Variants in GALNT13 observed in about 807,000 individuals in gnomAD.
GALNT13 encodes UDP-GalNAc:polypeptide N-acetylgalactosaminyltransferase 13.
Under a neutral mutation model 64.2 loss-of-function variants are expected in GALNT13, and 28 were observed. The ratio of observed to expected loss-of-function variants is 0.44; its 90% CI spans 0.32 to 0.60. GALNT13 has a LOEUF of 0.60. Ranked by LOEUF, GALNT13 falls within the 20% of genes least tolerant of loss-of-function variation. The pLI, the probability that GALNT13 is intolerant of heterozygous loss-of-function variation, is 0.05. For missense variants in GALNT13, 577 were observed against 669.8 expected (o/e 0.86, Z 1.53); for synonymous variants, 214 against 224.6 (o/e 0.95, Z 0.42).
intron 8 of GALNT13, among the ~76,000 whole-genome samples, chr2:154,261,513 A>G (rs1690695154): frequency 6.6e-6 from 1 of 152,078 alleles, no homozygotes; most frequent in South Asian, 2.1e-4. Context: ...GATTGAGACC[A>G]CTCATCTCTC....
chr2:153,923,256 T>G (rs985719892), intron 2 of GALNT13, among the ~76,000 whole-genome samples: 1 of 152,218 alleles, frequency 6.6e-6, no homozygotes, highest in African/African-American at 2.4e-5. Context: ...ATGTATTAGT[T>G]AATAGCTTTA....
At chr2:154,156,348 C>T (rs1463009324) in intron 4 of GALNT13, among the ~76,000 whole-genome samples, 1 of 152,074 alleles carries the variant, frequency 6.6e-6, no homozygotes, top group Non-Finnish European at 1.5e-5. Flanking sequence ...AAGTGTAGCA[C>T]ATAGTTCCTA....
chr2:154,173,576 G>T (rs1257536804), intron 4 of GALNT13, among the ~76,000 whole-genome samples: 1 of 151,884 alleles, frequency 6.6e-6, no homozygotes, highest in African/African-American at 2.4e-5. Flanking sequence ...AAAAGCTTCT[G>T]CACAGCAAAT....
the GALNT13 span, among the ~76,000 whole-genome samples, chr2:153,270,248 C>T: frequency 6.6e-6 from 1 of 152,124 alleles, no homozygotes; most frequent in Non-Finnish European, 1.5e-5. Context: ...TACTCTGTGT[C>T]AGACATTTTA....
At chr2:153,512,789 T>G in the GALNT13 span, among the ~76,000 whole-genome samples, 209 of 152,330 alleles carry the variant, frequency 1.4e-3, no homozygotes, top group African/African-American at 4.7e-3. Flanking sequence ...GTTATTATTA[T>G]TACTCATTTT....
chr2:154,153,789 G>T (rs952151126), intron 4 of GALNT13, among the ~76,000 whole-genome samples: 65 of 152,184 alleles, frequency 4.3e-4, no homozygotes, highest in Admixed American at 2.9e-3. Flanking sequence ...TTGGAAAAGC[G>T]CAGTATTAGG....
At chr2:153,278,134 C>T in the GALNT13 span, among the ~76,000 whole-genome samples, 3 of 151,566 alleles carry the variant, frequency 2.0e-5, no homozygotes, top group African/African-American at 7.3e-5. Context: ...TAGAGACCAC[C>T]GTGTTAGCCA....
chr2:153,304,057 G>A, the GALNT13 span, among the ~76,000 whole-genome samples: 1 of 151,658 alleles, frequency 6.6e-6, no homozygotes, highest in Admixed American at 6.6e-5. Flanking sequence ...ATGCACTGGG[G>A]TGGTGGGGGA....
the GALNT13 span, among the ~76,000 whole-genome samples, chr2:153,099,146 CAT>C: frequency 6.6e-6 from 1 of 152,022 alleles, no homozygotes; most frequent in Non-Finnish European, 1.5e-5. Flanking sequence ...AAAATAATAA[CAT>C]AGTTTTCCTT....
intron 9 of GALNT13, among the ~76,000 whole-genome samples, chr2:154,352,675 T>TA (rs1436091467): frequency 6.6e-6 from 1 of 152,200 alleles, no homozygotes; most frequent in Admixed American, 6.5e-5. Flanking sequence ...ACATTCTTCT[T>TA]ATACTGTGGT....
At chr2:153,180,296 G>T in the GALNT13 span, among the ~76,000 whole-genome samples, 2 of 151,952 alleles carry the variant, frequency 1.3e-5, no homozygotes, top group Non-Finnish European at 2.9e-5. Context: ...TATAGTTTTT[G>T]TTTTTCATTC....
chr2:153,098,321 T>C, the GALNT13 span, among the ~76,000 whole-genome samples: 2 of 152,218 alleles, frequency 1.3e-5, no homozygotes, highest in Admixed American at 6.5e-5. Flanking sequence ...TGAAGACCAA[T>C]TTATCTGGAT....
chr2:154,353,476 A>T (rs544186441), intron 9 of GALNT13, among the ~76,000 whole-genome samples: 1 of 152,114 alleles, frequency 6.6e-6, no homozygotes. Flanking sequence ...CTAATACAAT[A>T]CAAATTTATT....
Position 154,242,736 on chromosome 2 carries a change from T to G in GALNT13, c.517T>G (p.Leu173Val), listed in dbSNP as rs765363190. Residue 173 changes from leucine (L) to valine (V), a missense_variant, in exon 6 of 13, where the codon TTA becomes GTA. Coordinates refer to ENST00000392825, the MANE Select transcript of GALNT13 (RefSeq NM_052917.4). ...KLTLENYVKN[L>V]EVPVKIIRME... ...GACATTAGAGAATTACGTGAAAAATTTAGAAGTGCCAGTAAAAATTATTAG... is the reference window on the plus strand; with the variant it reads ...GACATTAGAGAATTACGTGAAAAATGTAGAAGTGCCAGTAAAAATTATTAG... The G allele has an allele frequency of 2.5e-6, 4 of 1,613,726 alleles. No individual in the cohort carries two copies. The Admixed American group carries it at 5.0e-5, about 20-fold the overall frequency.
chr2:154,029,442 A>T (rs1222390273), intron 3 of GALNT13, among the ~76,000 whole-genome samples: 1 of 152,114 alleles, frequency 6.6e-6, no homozygotes, highest in Non-Finnish European at 1.5e-5. Flanking sequence ...TCCATGTATT[A>T]CCCATCCTCA....
the GALNT13 span, among the ~76,000 whole-genome samples, chr2:153,671,682 A>T: frequency 0.15 from 22,600 of 152,142 alleles, 2,217 homozygotes; most frequent in East Asian, 0.53. Flanking sequence ...TAATGACAGG[A>T]TCAAATTCAC....
intron 9 of GALNT13, among the ~76,000 whole-genome samples, chr2:154,391,284 T>C (rs575282366): frequency 6.6e-6 from 1 of 152,296 alleles, no homozygotes; most frequent in South Asian, 2.1e-4. Flanking sequence ...ATTTGCCCAT[T>C]CCTGAGTCAG....
chr2:153,370,904 A>T, the GALNT13 span: 1 of 190,590 alleles, frequency 5.2e-6, no homozygotes, highest in Non-Finnish European at 1.1e-5. Flanking sequence ...GTGGATGTCA[A>T]GGCCAACAAG....
intron 9 of GALNT13, among the ~76,000 whole-genome samples, chr2:154,331,403 A>G (rs1271581520): frequency 3.3e-5 from 5 of 152,042 alleles, no homozygotes; most frequent in Non-Finnish European, 7.4e-5. Flanking sequence ...CCTGAGCTCA[A>G]GCCATCTTCC....
Sources: allele counts gnomAD v4.1 joint callset (sites outside exome capture counted in the v4.1 genomes callset), GRCh38; gene constraint gnomAD v4.1.1; transcripts MANE v1.5; gene names NCBI Gene and HGNC (gene_info 2026-07-23, HGNC 2026-07-21).